The following NAGPA variants were observed in gnomAD, a reference collection of about 807,000 sequenced individuals.
The protein encoded by NAGPA is N-acetylglucosamine-1-phosphodiester alpha-N-acetylglucosaminidase.
A neutral mutation model predicts 48.5 loss-of-function variants in NAGPA; 56 were observed. The ratio of observed to expected loss-of-function variants is 1.15; its 90% CI spans 0.93 to 1.44. NAGPA has a LOEUF of 1.44. NAGPA is among the 40% of genes most tolerant of loss of function. The probability of loss-of-function intolerance (pLI) is 0.00; values close to 1 mark genes in which losing one functional copy is unlikely to be tolerated. For missense variants in NAGPA, 888 were observed against 735.0 expected, an observed-to-expected ratio of 1.21 and a Z score of -2.41; for synonymous variants, 399 against 315.5, an observed-to-expected ratio of 1.26 and a Z score of -2.81.
chr16:5,033,524 G>T lies in NAGPA; in HGVS notation c.291C>A (p.Ala97=). ...DRAVAGHLTR[A]VEPLRTFSVL... ...CCGAGAAGGTGCGCAGGGGCTCAAC[G>T]GCCCGCGTCAGGTGGCCGGCCACCG... Residue 97 remains alanine, a synonymous_variant, in exon 2 of 10, where the codon GCC becomes GCA. Transcript: ENST00000312251. The surrounding 1 kb of genome is among the most constrained non-coding windows in gnomAD (Gnocchi z 4.2). 1 of 1,518,560 alleles carries T rather than the reference G, an allele frequency of 6.6e-7. No individual in the cohort carries two copies. The highest frequency in any genetic ancestry group is 8.7e-7 in the Non-Finnish European group (1 of 1,143,244). The allele number at this position is 1,518,560 out of a possible 1,614,324, so 94.1% of individuals were successfully genotyped here.
At chr16:5,029,680 T>A (rs1304796450) in intron 4 of NAGPA, 1 of 159,728 alleles carries the variant, frequency 6.3e-6, no homozygotes, top group African/African-American at 2.4e-5. Flanking sequence ...TTCCAGCACT[T>A]TGGAAGGCCG....
Position 5,028,893 on chromosome 16 carries a change from G to A in NAGPA, c.907C>T (p.Pro303Ser), listed in dbSNP as rs775705425. ...FVLNGTLASY[P>S]SDHCQDNMWR... is the part of the protein sequence containing the mutation. ...TCACGTGCTTACCAGTGATCTGACG[G>A]GTAACTGGCCAAGGTCCCGTTGAGC... The change falls in exon 5 of 10, where the codon CCG becomes TCG. Residue 303 changes from proline (P) to serine (S), a missense_variant. Transcript: ENST00000312251. 9.9e-6 allele frequency: 16 copies of A among 1,613,926 alleles called. No individual in the cohort carries two copies. The highest frequency in any genetic ancestry group is 1.3e-5 in the African/African-American group (1 of 74,920).
chr16:5,033,260 C>T lies in NAGPA; in HGVS notation c.542+13G>A. On this transcript the variant is annotated intron_variant, in intron 2 of 9. Transcript: ENST00000312251. This position sits in a 1 kb window ranked among gnomAD's most constrained non-coding sequence, Gnocchi z 4.2. The stretch of plus-strand genomic sequence containing the variant: ...CTCTGCCCTCGACAGCACGGGGCTC[C>T]CTGCCTCCTCACCCGGTGACCAGGG... The T allele has an allele frequency of 6.3e-7, 1 of 1,584,436 alleles. No individual in the cohort carries two copies. Among genetic ancestry groups the T allele is most frequent in the South Asian group, 1.1e-5 (1 of 88,668 alleles).
At position 5,028,021 on chromosome 16, in the gene NAGPA, C is replaced by T; in HGVS notation, c.1085G>A (p.Cys362Tyr). The T allele has an allele frequency of 1.2e-6, 2 of 1,613,702 alleles. No homozygotes were observed. Among genetic ancestry groups the T allele is most frequent in the Non-Finnish European group, 1.7e-6 (2 of 1,179,938 alleles). ...WRGPGCDELD[C>Y]GPSNCSQHGL... is the part of the protein sequence containing the mutation. ...GTGCTGGCTGCAGTTAGAGGGGCCA[C>T]AGTCCAGCTCATCACAGCCGGGACC... The change falls in exon 6 of 10, where the codon TGT becomes TAT. Residue 362 changes from cysteine (C) to tyrosine (Y), a missense_variant. Transcript: ENST00000312251.
intron 4 of NAGPA, chr16:5,029,595 C>A (rs1956065558): frequency 1.8e-5 from 3 of 168,786 alleles, no homozygotes; most frequent in South Asian, 1.5e-4. Context: ...GTTGACCAGC[C>A]TGGCCAACAT....
Position 5,028,733 on chromosome 16 carries a change from G to A in NAGPA, c.920+147C>T, listed in dbSNP as rs373705384. 7.2e-4 allele frequency: 910 copies of A among 1,266,282 alleles called. 11 individuals are homozygous for A. In the Middle Eastern group the frequency reaches 0.016, roughly 22 times the overall value. 78.4% of individuals were successfully genotyped at this position (1,266,282 alleles called of 1,614,324 possible). A position where few individuals can be genotyped will look rare whatever the true frequency, so the allele number is the denominator to read the frequency against. On this transcript the variant is annotated intron_variant, in intron 5 of 9. Coordinates refer to ENST00000312251, the MANE Select transcript of NAGPA (RefSeq NM_016256.4). Reference sequence around the variant, plus strand: ...CCTGCTCCTAGGCCTGGGTAGTACTGGCATCCTGGGGGAGGGACTGCAGCA... The same window carrying A: ...CCTGCTCCTAGGCCTGGGTAGTACTAGCATCCTGGGGGAGGGACTGCAGCA...
chr16:5,031,919 G>A (rs1264737664), intron 2 of NAGPA, 35 bp from the exon 3 acceptor site: 1 of 1,613,874 alleles, frequency 6.2e-7, no homozygotes, highest in Non-Finnish European at 8.5e-7. Flanking sequence ...TCACTCACCA[G>A]CAGGGGCAAC....
rs766274695 is a variant in NAGPA at position 5,027,287 on chromosome 16, C to T, written c.1267G>A (p.Val423Ile). 7.9e-5 allele frequency: 128 copies of T among 1,614,094 alleles called. No homozygotes were observed. The highest frequency in any genetic ancestry group is 4.7e-4 in the East Asian group (21 of 44,888). The change falls in exon 8 of 10, where the codon GTC (valine) becomes ATC (isoleucine). Residue 423 changes from valine to isoleucine, a missense_variant. Coordinates refer to ENST00000312251, the MANE Select transcript of NAGPA (RefSeq NM_016256.4). ...TTGGAGGGATAGGTACCTCTGGAGA[C>T]GCTGCAGTTGCCAGTCTTGGGGTCA... ...PCDPKTGNCS[V>I]SRVKQCLQPP...
At chr16:5,029,056 C>G (rs1182409453) in intron 4 of NAGPA, 48 bp from the exon 5 acceptor site, 1 of 1,606,688 alleles carries the variant, frequency 6.2e-7, no homozygotes, top group African/African-American at 1.3e-5. Context: ...ACCATCATTT[C>G]TCATTTAACT....
chr16:5,030,228 C>A, intron 4 of NAGPA, 157 bp downstream of exon 4: 1 of 699,936 alleles, frequency 1.4e-6, no homozygotes, highest in Admixed American at 2.1e-5. Context: ...TCTCAGAACC[C>A]TCATCCTGTG....
At position 5,027,294 on chromosome 16, in the gene NAGPA, G is replaced by C; in HGVS notation, c.1260C>G (p.Asn420Lys). 1 of 1,614,250 alleles carries C rather than the reference G, an allele frequency of 6.2e-7. No homozygotes were observed. The highest frequency in any genetic ancestry group is 8.5e-7 in the Non-Finnish European group (1 of 1,180,050). Reference protein sequence around the residue: ...HHCPCDPKTGNCSVSRVKQCL... With the variant: ...HHCPCDPKTGKCSVSRVKQCL... Reference sequence around the variant, plus strand: ...GATAGGTACCTCTGGAGACGCTGCAGTTGCCAGTCTTGGGGTCACAGGGAC... The same window carrying C: ...GATAGGTACCTCTGGAGACGCTGCACTTGCCAGTCTTGGGGTCACAGGGAC... The change falls in exon 8 of 10, where the codon AAC becomes AAG. Residue 420 changes from asparagine to lysine, a missense_variant. Transcript: ENST00000312251.
At chr16:5,030,171 G>C (rs1234654045) in intron 4 of NAGPA, 23 of 608,300 alleles carry the variant, frequency 3.8e-5, no homozygotes, top group Non-Finnish European at 6.4e-5. Context: ...GTTCAGGAAA[G>C]GTGAGGCCTA....
intron 7 of NAGPA, 137 bp from the exon 8 acceptor site, chr16:5,027,516 C>A: frequency 1.1e-6 from 1 of 921,780 alleles, no homozygotes; most frequent in Non-Finnish European, 1.7e-6. Context: ...GCACCCCCTG[C>A]CCTCCCTGGA....
intron 3 of NAGPA, 107 bp downstream of exon 3, chr16:5,031,638 G>T: frequency 6.8e-7 from 1 of 1,477,008 alleles, no homozygotes. Context: ...ATAGTGCTGG[G>T]CACAAAGTAG....
intron 4 of NAGPA, chr16:5,029,461 G>A: frequency 3.7e-6 from 1 of 269,288 alleles, no homozygotes; most frequent in South Asian, 4.0e-5. Context: ...AGTCACAACT[G>A]AGGAGGCGAC....
intron 2 of NAGPA, among the ~76,000 whole-genome samples, chr16:5,032,425 G>A (rs956049918): frequency 4.6e-5 from 7 of 152,136 alleles, no homozygotes; most frequent in Admixed American, 3.3e-4. Context: ...GGAGGCTGAG[G>A]TGGGTGGATC....
In NAGPA at chr16:5,033,164, G is replaced by T; in HGVS notation, c.542+109C>A. 7.9e-7 allele frequency: 1 copy of T among 1,273,132 alleles called. No individual in the cohort carries two copies. The highest frequency in any genetic ancestry group is 1.3e-5 in the South Asian group (1 of 77,894). 78.9% of individuals were successfully genotyped at this position (1,273,132 alleles called of 1,614,324 possible). ...CGATTCCTATCCCCATTCTGCAGAG[G>T]AGGAAACAGGGGCTCAGCTTGGTTA... On this transcript the variant is annotated intron_variant, in intron 2 of 9. Transcript: ENST00000312251. This position sits in a 1 kb window ranked among gnomAD's most constrained non-coding sequence, Gnocchi z 4.2.
chr16:5,027,879 C>T lies in NAGPA; in HGVS notation c.1141G>A (p.Asp381Asn). 6.3e-7 allele frequency: 1 copy of T among 1,585,620 alleles called. No homozygotes were observed. Among genetic ancestry groups the T allele is most frequent in the South Asian group, 1.1e-5 (1 of 88,268 alleles). The change falls in exon 7 of 10, where the codon GAT becomes AAT. Residue 381 changes from aspartate to asparagine, a missense_variant. Transcript: ENST00000312251. Reference sequence around the variant, plus strand: ...CAGTTGGACCCGGTCCATCCGGCATCACAGCGGCAGCCGGCTGCCGAGACA... The same window carrying T: ...CAGTTGGACCCGGTCCATCCGGCATTACAGCGGCAGCCGGCTGCCGAGACA... ...GLCTETGCRCDAGWTGSNCSE... is the reference protein window; with the variant it reads ...GLCTETGCRCNAGWTGSNCSE...
In NAGPA at chr16:5,032,961, C is replaced by A. The variant is rs1008908227; in HGVS notation, c.542+312G>T. The A allele has an allele frequency of 1.4e-5, 7 of 495,618 alleles. No homozygotes were observed. In the Admixed American group the frequency reaches 2.6e-4, roughly 18 times the overall value. The allele number at this position is 495,618 out of a possible 1,614,324, so 30.7% of individuals were successfully genotyped here. On this transcript the variant is annotated intron_variant, in intron 2 of 9. Coordinates refer to ENST00000312251, the MANE Select transcript of NAGPA (RefSeq NM_016256.4). Reference sequence around the variant, plus strand: ...CCCGTTGGTTGCTTTGCTGCACACACAGCAATCAGAATGTATGTTAGCTAT... The same window carrying A: ...CCCGTTGGTTGCTTTGCTGCACACAAAGCAATCAGAATGTATGTTAGCTAT...
Sources: allele counts gnomAD v4.1 joint callset (sites outside exome capture counted in the v4.1 genomes callset), GRCh38; gene constraint gnomAD v4.1.1; non-coding constraint Gnocchi (gnomAD v3.1); transcripts MANE v1.5; gene names NCBI Gene and HGNC (gene_info 2026-07-23, HGNC 2026-07-21).